Variants in PRICKLE2 observed in about 807,000 individuals in gnomAD.
PRICKLE2 encodes prickle-like protein 2.
A neutral mutation model predicts 81.4 loss-of-function variants in PRICKLE2; 21 were observed. That is an observed-to-expected ratio of 0.26 (90% CI 0.18 to 0.37). PRICKLE2 has a LOEUF of 0.37. PRICKLE2 is among the 10% of genes least tolerant of loss of function. The pLI is 1.00. For synonymous variants in PRICKLE2, 456 were observed against 421.5 expected (o/e 1.08, Z -1.00); for missense variants, 940 against 1,109.0 (o/e 0.85, Z 2.16).
intron 2 of PRICKLE2, among the ~76,000 whole-genome samples, chr3:64,177,595 G>A: frequency 6.6e-6 from 1 of 151,974 alleles, no homozygotes; most frequent in East Asian, 1.9e-4. Context: ...CTCAGCCCCT[G>A]GTAACCTCTA....
chr3:64,222,458 T>C (rs1312652235), intron 1 of PRICKLE2, among the ~76,000 whole-genome samples: 1 of 152,022 alleles, frequency 6.6e-6, no homozygotes, highest in Non-Finnish European at 1.5e-5. Flanking sequence ...AAAAGAAAGA[T>C]CTTGGGAGGA....
chr3:64,267,873 T>A (rs2079734880), intron 2 of PRICKLE2: 1 of 152,080 alleles, frequency 6.6e-6, no homozygotes, highest in Non-Finnish European at 1.5e-5. Flanking sequence ...CCCTCTGTGC[T>A]CCCCGGCTAT....
chr3:64,190,913 C>A (rs2078320845), intron 2 of PRICKLE2, among the ~76,000 whole-genome samples: 1 of 152,166 alleles, frequency 6.6e-6, no homozygotes, highest in Non-Finnish European at 1.5e-5. Flanking sequence ...AGATCTCAGG[C>A]ACCAAGGAAG....
At chr3:64,235,991 T>C (rs1233716029) in intron 2 of PRICKLE2, among the ~76,000 whole-genome samples, 1 of 152,180 alleles carries the variant, frequency 6.6e-6, no homozygotes, top group Non-Finnish European at 1.5e-5. Context: ...AGGATCATGG[T>C]TAAAATGCCA....
chr3:64,161,712 A>T, intron 3 of PRICKLE2, among the ~76,000 whole-genome samples: 1 of 117,660 alleles, frequency 8.5e-6, no homozygotes, highest in Non-Finnish European at 1.8e-5. Context: ...AAATAAAAAG[A>T]GTTAAAAAAA....
intron 1 of PRICKLE2, among the ~76,000 whole-genome samples, chr3:64,220,297 TG>T (rs915361048): frequency 1.4e-4 from 22 of 152,172 alleles, no homozygotes; most frequent in African/African-American, 5.3e-4. Flanking sequence ...TAACCCTGGA[TG>T]GGGCTGGAAA....
Position 64,198,933 on chromosome 3 carries a change from C to G in PRICKLE2, c.-6G>C. 6.2e-7 allele frequency: 1 copy of G among 1,614,128 alleles called. No individual in the cohort carries two copies. Among genetic ancestry groups the G allele is most frequent in the Non-Finnish European group, 8.5e-7 (1 of 1,180,044 alleles). On this transcript the variant is annotated 5_prime_UTR_variant, in exon 2 of 8. Transcript: ENST00000638394. ...AGCGGCATCACTGTCACCATGTGCT[C>G]CTCCTGGGGACACTTGCAGTGCAGG...
At chr3:64,199,235 A>C in intron 1 of PRICKLE2, 2 of 582,208 alleles carry the variant, frequency 3.4e-6, no homozygotes, top group Admixed American at 3.0e-5. Flanking sequence ...TTCTCTTCTA[A>C]ATCAATACCC....
At chr3:64,259,732 G>C (rs545660839) in intron 2 of PRICKLE2, among the ~76,000 whole-genome samples, 1 of 152,118 alleles carries the variant, frequency 6.6e-6, no homozygotes, top group Non-Finnish European at 1.5e-5. Context: ...TGCACAGAGG[G>C]GAAAGCAATG....
chr3:64,138,097 G>C (rs2077304605), intron 7 of PRICKLE2, among the ~76,000 whole-genome samples: 1 of 151,822 alleles, frequency 6.6e-6, no homozygotes, highest in Non-Finnish European at 1.5e-5. Flanking sequence ...GAGGGGATCA[G>C]ATAAAAACGT....
At chr3:64,200,306 T>C (rs185586896) in intron 1 of PRICKLE2, 1 of 152,204 alleles carries the variant, frequency 6.6e-6, no homozygotes, top group Admixed American at 6.5e-5. Flanking sequence ...CAATCCTTCA[T>C]CCCCTTTTAT....
Position 64,225,448 on chromosome 3 carries a change from G to C in PRICKLE2, c.-579C>G. On this transcript the variant is annotated 5_prime_UTR_variant, in exon 1 of 8. Transcript: ENST00000638394. ...CTCGGTGGCGCTGCTGGTGGTGCCT[G>C]AGAAGTCGCTGTTGCAGTGCTTGCA... The C allele has an allele frequency of 1.0e-6, 1 of 956,172 alleles. No homozygotes were observed. Among genetic ancestry groups the C allele is most frequent in the Non-Finnish European group, 1.2e-6 (1 of 815,498 alleles). The allele number at this position is 956,172 out of a possible 1,614,324, so 59.2% of individuals were successfully genotyped here. A position where few individuals can be genotyped will look rare whatever the true frequency, so the allele number is the denominator to read the frequency against.
intron 7 of PRICKLE2, among the ~76,000 whole-genome samples, chr3:64,125,913 G>A (rs574596664): frequency 1.3e-3 from 192 of 151,558 alleles, no homozygotes; most frequent in Non-Finnish European, 2.3e-3. Flanking sequence ...CCTGTATAAC[G>A]TTAAGTGAAA....
chr3:64,114,987 C>A (rs1371876273), intron 7 of PRICKLE2, among the ~76,000 whole-genome samples: 3 of 152,210 alleles, frequency 2.0e-5, no homozygotes, highest in African/African-American at 7.2e-5. Context: ...GCCCATCAGA[C>A]TGACAGCAGA....
At position 64,096,493 on chromosome 3, in the gene PRICKLE2, T is replaced by C. The variant is rs950257817; in HGVS notation, c.*2558A>G. On this transcript the variant is annotated 3_prime_UTR_variant, in exon 8 of 8. Coordinates refer to ENST00000638394, the MANE Select transcript of PRICKLE2 (RefSeq NM_198859.4). ...GGGGTTCTGCCATCATTGTAAGGAATTGGCCTTCCTCATTCAGCATTCTCT... is the reference window on the plus strand; with the variant it reads ...GGGGTTCTGCCATCATTGTAAGGAACTGGCCTTCCTCATTCAGCATTCTCT... The C allele has an allele frequency of 1.3e-5, 2 of 152,206 alleles. No individual in the cohort carries two copies. Among genetic ancestry groups the C allele is most frequent in the African/African-American group, 4.8e-5 (2 of 41,456 alleles). 9.4% of individuals were successfully genotyped at this position (152,206 alleles called of 1,614,324 possible).
chr3:64,155,844 T>C (rs2077627626), intron 5 of PRICKLE2, among the ~76,000 whole-genome samples: 1 of 151,968 alleles, frequency 6.6e-6, no homozygotes, highest in South Asian at 2.1e-4. Context: ...AGAAATAGAT[T>C]AGAAGTTGCC....
chr3:64,098,368 T>C lies in PRICKLE2; in HGVS notation c.*683A>G, dbSNP rs920139878. On this transcript the variant is annotated 3_prime_UTR_variant, in exon 8 of 8. Transcript: ENST00000638394. ...TGGCTCCTTAAGATGGAACGGAGCA[T>C]AAAATGCTTTGGGTCTAACAGTTAT... 3 of 147,398 alleles carry C rather than the reference T, an allele frequency of 2.0e-5. No individual in the cohort carries two copies. The highest frequency in any genetic ancestry group is 7.6e-5 in the African/African-American group (3 of 39,558). 9.1% of individuals were successfully genotyped at this position (147,398 alleles called of 1,614,324 possible). A position where few individuals can be genotyped will look rare whatever the true frequency, so the allele number is the denominator to read the frequency against.
In PRICKLE2 at chr3:64,214,740, C is replaced by T. The variant is rs570702091; in HGVS notation, c.-41+10170G>A. Among the ~76,000 whole-genome samples the T allele has an allele frequency of 1.5e-3, 234 of 152,218 alleles. 2 individuals carry two copies. Among genetic ancestry groups the T allele is most frequent in the Non-Finnish European group, 2.5e-3 (173 of 68,012 alleles). On this transcript the variant is annotated intron_variant, in intron 1 of 7. Transcript: ENST00000638394. ...AAATATTAAAAAATTTGTTTTACTC[C>T]GATTTGACAAGGTGCTGGTTGAAGG...
chr3:64,150,973 T>C (rs2077537399), intron 6 of PRICKLE2, among the ~76,000 whole-genome samples: 1 of 152,226 alleles, frequency 6.6e-6, no homozygotes, highest in African/African-American at 2.4e-5. Context: ...GCGTTCTTTT[T>C]TTATTCCTTC....
Sources: allele counts gnomAD v4.1 joint callset (sites outside exome capture counted in the v4.1 genomes callset), GRCh38; gene constraint gnomAD v4.1.1; transcripts MANE v1.5; gene names NCBI Gene and HGNC (gene_info 2026-07-23, HGNC 2026-07-21).